LIMA1: variants seen among roughly 807,000 people sequenced by gnomAD.
The protein encoded by LIMA1 is LIM domain and actin binding 1.
In LIMA1, 52 loss-of-function variants were observed where a neutral mutation model predicts 62.6. That is an observed-to-expected ratio of 0.83 (90% CI 0.67 to 1.05). LIMA1 has a LOEUF of 1.05. Ranked by LOEUF, LIMA1 falls within the 50% of genes least tolerant of loss-of-function variation. The probability of loss-of-function intolerance (pLI) is 0.00; values close to 1 mark genes in which losing one functional copy is unlikely to be tolerated. For missense variants in LIMA1, 780 were observed against 902.2 expected, an observed-to-expected ratio of 0.86 and a Z score of 1.74; for synonymous variants, 302 against 317.8, an observed-to-expected ratio of 0.95 and a Z score of 0.53.
rs145772747 is a variant in LIMA1 at position 50,185,248 on chromosome 12, T to G, written c.1141-3211A>C. 3,270 of 396,258 alleles carry G rather than the reference T, an allele frequency of 8.3e-3. 43 individuals carry two copies. The highest frequency in any genetic ancestry group is 8.5e-3 in the Non-Finnish European group (1,700 of 199,586). 24.5% of individuals were successfully genotyped at this position (396,258 alleles called of 1,614,324 possible). On this transcript the variant is annotated intron_variant, in intron 9 of 10. Transcript: ENST00000341247. The stretch of plus-strand genomic sequence containing the variant: ...ATGGGATAAGAGGAGATGGATACTG[T>G]TCTGCTAAAGGGGAACTGAAGGACG...
At position 50,199,750 on chromosome 12, in the gene LIMA1, C is replaced by A. The variant is rs79195091; in HGVS notation, c.972+1027G>T. On this transcript the variant is annotated intron_variant, in intron 7 of 10. Coordinates refer to ENST00000341247, the MANE Select transcript of LIMA1 (RefSeq NM_016357.5). Reference sequence around the variant, plus strand: ...AGTGGAAGAGTAAGATTTTCTTGCACAAAATGTGTTAAATGTATACTTAAA... The same window carrying A: ...AGTGGAAGAGTAAGATTTTCTTGCAAAAAATGTGTTAAATGTATACTTAAA... Among the ~76,000 whole-genome samples, 772 of 152,206 alleles carry A rather than the reference C, an allele frequency of 5.1e-3. 22 individuals carry two copies. Among genetic ancestry groups the A allele is most frequent in the Admixed American group, 0.046 (706 of 15,290 alleles).
Position 50,175,889 on chromosome 12 carries a change from T to C in LIMA1, c.*1175A>G, listed in dbSNP as rs543656209. 1.3e-5 allele frequency: 2 copies of C among 152,212 alleles called. No individual in the cohort carries two copies. Among genetic ancestry groups the C allele is most frequent in the East Asian group, 3.9e-4 (2 of 5,186 alleles). 9.4% of individuals were successfully genotyped at this position (152,212 alleles called of 1,614,324 possible). A position where few individuals can be genotyped will look rare whatever the true frequency, so the allele number is the denominator to read the frequency against. On this transcript the variant is annotated 3_prime_UTR_variant, in exon 11 of 11. Coordinates refer to ENST00000341247, the MANE Select transcript of LIMA1 (RefSeq NM_016357.5). ...ATCTCTAAAAAATATTAAAGCTAAA[T>C]CTCTATAAATGCAGTACAAAGAAAA...
chr12:50,211,936 T>G (rs1941264903), intron 4 of LIMA1, among the ~76,000 whole-genome samples: 1 of 150,716 alleles, frequency 6.6e-6, no homozygotes, highest in Non-Finnish European at 1.5e-5. Context: ...ACAAGATACT[T>G]TTAAGACTTT....
intron 9 of LIMA1, among the ~76,000 whole-genome samples, chr12:50,184,044 A>C (rs1389701897): frequency 6.6e-6 from 1 of 152,182 alleles, no homozygotes; most frequent in Non-Finnish European, 1.5e-5. Context: ...AAGGGATTTA[A>C]GAAGGAAGGA....
chr12:50,267,770 G>A (rs1245933728), intron 1 of LIMA1, among the ~76,000 whole-genome samples: 6 of 151,768 alleles, frequency 4.0e-5, no homozygotes, highest in Non-Finnish European at 7.4e-5. Context: ...CACCTGCCTC[G>A]GCCTCCCAAA....
At chr12:50,270,111 G>A (rs1159169892) in intron 1 of LIMA1, among the ~76,000 whole-genome samples, 2 of 151,008 alleles carry the variant, frequency 1.3e-5, no homozygotes, top group African/African-American at 2.4e-5. Flanking sequence ...GCACGTGCCT[G>A]TAATTCCAGC....
chr12:50,231,177 A>G (rs1941606413), intron 3 of LIMA1, among the ~76,000 whole-genome samples: 1 of 152,200 alleles, frequency 6.6e-6, no homozygotes, highest in Non-Finnish European at 1.5e-5. Flanking sequence ...AGAAGCAGAG[A>G]GTTTATTCTG....
chr12:50,195,465 T>C (rs1940907854), intron 8 of LIMA1, among the ~76,000 whole-genome samples: 2 of 152,220 alleles, frequency 1.3e-5, no homozygotes, highest in Non-Finnish European at 2.9e-5. Flanking sequence ...CACTAAAGAA[T>C]AGGTATTTAT....
rs1357397171 is a variant in LIMA1 at position 50,176,303 on chromosome 12, G to A, written c.*761C>T. The A allele has an allele frequency of 1.3e-5, 2 of 152,142 alleles. No homozygotes were observed. The highest frequency in any genetic ancestry group is 4.8e-5 in the African/African-American group (2 of 41,438). 9.4% of individuals were successfully genotyped at this position (152,142 alleles called of 1,614,324 possible). On this transcript the variant is annotated 3_prime_UTR_variant, in exon 11 of 11. Coordinates refer to ENST00000341247, the MANE Select transcript of LIMA1 (RefSeq NM_016357.5). Reference sequence around the variant, plus strand: ...TTGCAGCTTTCAGTAATTATGAGAAGCACAGATATCACCAGAAAAGAAAGC... The same window carrying A: ...TTGCAGCTTTCAGTAATTATGAGAAACACAGATATCACCAGAAAAGAAAGC...
chr12:50,183,245 G>A (rs1940547108), intron 9 of LIMA1, among the ~76,000 whole-genome samples: 1 of 151,998 alleles, frequency 6.6e-6, no homozygotes, highest in Admixed American at 6.6e-5. Flanking sequence ...CTAAGGGGTG[G>A]GGAGTAGATG....
chr12:50,257,634 G>T (rs1008994464), intron 1 of LIMA1, among the ~76,000 whole-genome samples: 1 of 152,176 alleles, frequency 6.6e-6, no homozygotes, highest in African/African-American at 2.4e-5. Flanking sequence ...GAAGCTCAGT[G>T]GGCTGCCTTT....
rs151306499 is a variant in LIMA1 at position 50,195,410 on chromosome 12, C to T, written c.1030+420G>A. Among the ~76,000 whole-genome samples, 1,121 of 151,944 alleles carry T rather than the reference C, an allele frequency of 7.4e-3. 14 individuals carry two copies. The highest frequency in any genetic ancestry group is 0.026 in the African/African-American group (1,064 of 41,426). On this transcript the variant is annotated intron_variant, in intron 8 of 10. Coordinates refer to ENST00000341247, the MANE Select transcript of LIMA1 (RefSeq NM_016357.5). ...TGACTATAATATACATTTAGATAAA[C>T]AGGGAAAAAATATGTATCTTTAACA...
chr12:50,253,003 G>C (rs1178409514), intron 1 of LIMA1, among the ~76,000 whole-genome samples: 2 of 152,168 alleles, frequency 1.3e-5, no homozygotes, highest in Non-Finnish European at 2.9e-5. Context: ...AATTAATTAG[G>C]GTAGGTGGAA....
chr12:50,236,358 C>T (rs1410394682), intron 2 of LIMA1, among the ~76,000 whole-genome samples: 4 of 144,916 alleles, frequency 2.8e-5, no homozygotes, highest in East Asian at 2.1e-4. Flanking sequence ...AGTGCAGTGG[C>T]GTGATCTCGG....
At chr12:50,209,175 G>A (rs989815905) in intron 4 of LIMA1, among the ~76,000 whole-genome samples, 22 of 151,688 alleles carry the variant, frequency 1.5e-4, no homozygotes, top group Admixed American at 9.9e-4. Flanking sequence ...AACACTATCC[G>A]TGCTACATCA....
At chr12:50,274,810 A>G (rs1044695686) in intron 1 of LIMA1, among the ~76,000 whole-genome samples, 1 of 152,182 alleles carries the variant, frequency 6.6e-6, no homozygotes, top group African/African-American at 2.4e-5. Flanking sequence ...GAACATATGC[A>G]GCCAGCAAGG....
chr12:50,218,895 T>TTAAAAAAA (rs1941394468), intron 4 of LIMA1, among the ~76,000 whole-genome samples: 1 of 73,998 alleles, frequency 1.4e-5, no homozygotes, highest in African/African-American at 4.9e-5. Context: ...CCTATCTCCA[T>TTAAAAAAA]AAAAAAAAAA....
chr12:50,254,101 A>AT (rs1342238809), intron 1 of LIMA1, among the ~76,000 whole-genome samples: 1 of 151,342 alleles, frequency 6.6e-6, no homozygotes, highest in East Asian at 1.9e-4. Flanking sequence ...TATGAGTTCC[A>AT]TTTTCAGACT....
chr12:50,261,086 TCTGTCGCCCAGG>T (rs1942067564), intron 1 of LIMA1, among the ~76,000 whole-genome samples: 1 of 119,988 alleles, frequency 8.3e-6, no homozygotes, highest in African/African-American at 3.2e-5. Context: ...GGAGTCTCGC[TCTGTCGCCCAGG>T]CTGGAGGGCA....
Sources: allele counts gnomAD v4.1 joint callset (sites outside exome capture counted in the v4.1 genomes callset), GRCh38; gene constraint gnomAD v4.1.1; transcripts MANE v1.5; gene names NCBI Gene and HGNC (gene_info 2026-07-23, HGNC 2026-07-21).